Variants in XPA observed in about 807,000 individuals in gnomAD.
The protein encoded by XPA is DNA repair protein complementing XP-A cells.
A neutral mutation model predicts 35.7 loss-of-function variants in XPA; 27 were observed. That is an observed-to-expected ratio of 0.76 (90% CI 0.56 to 1.04). XPA has a LOEUF of 1.04. Among genes scored for constraint, XPA ranks in the 50% least tolerant of loss-of-function variants. XPA has a pLI of 0.00. For missense variants in XPA, 354 were observed against 342.7 expected, an observed-to-expected ratio of 1.03 and a Z score of -0.26; for synonymous variants, 133 against 118.4, an observed-to-expected ratio of 1.12 and a Z score of -0.80.
intron 2 of XPA, 35 bp from the exon 3 acceptor site, chr9:97,689,674 TTA>T (rs1460203847): frequency 7.2e-6 from 9 of 1,249,478 alleles, no homozygotes; most frequent in Non-Finnish European, 1.1e-5. Flanking sequence ...GTTTCCTTTT[TTA>T]TGACTAGAAC....
chr9:97,661,206 C>G, the XPA span: 1 of 957,576 alleles, frequency 1.0e-6, no homozygotes, highest in Non-Finnish European at 1.5e-6. Flanking sequence ...TTCTTAGCAC[C>G]CCAGGTATTT....
At chr9:97,677,531 A>T (rs528398306) in intron 5 of XPA, among the ~76,000 whole-genome samples, 11 of 152,092 alleles carry the variant, frequency 7.2e-5, no homozygotes, top group African/African-American at 2.4e-4. Context: ...ATAAAAAATT[A>T]AAAAAATTTT....
chr9:97,658,743 A>C, the XPA span: 1 of 1,589,792 alleles, frequency 6.3e-7, no homozygotes, highest in Non-Finnish European at 8.6e-7. Flanking sequence ...TGAAAGTAGC[A>C]GTAAGTAATG....
intron 1 of XPA, among the ~76,000 whole-genome samples, chr9:97,696,471 A>G (rs1352738108): frequency 6.6e-6 from 1 of 152,228 alleles, no homozygotes; most frequent in African/African-American, 2.4e-5. Context: ...CACATGTCCA[A>G]GAAATAGACT....
chr9:97,666,821 A>G, the XPA span: 1 of 1,610,804 alleles, frequency 6.2e-7, no homozygotes, highest in East Asian at 2.2e-5. Flanking sequence ...ACATGTCCTG[A>G]AGATCCAGAA....
At chr9:97,694,838 A>G (rs187766490) in intron 1 of XPA, among the ~76,000 whole-genome samples, 94 of 152,366 alleles carry the variant, frequency 6.2e-4, no homozygotes, top group Middle Eastern at 6.8e-3. Flanking sequence ...TAACAGCCCC[A>G]AAGTGGAAAC....
At chr9:97,682,221 G>C (rs1049836850) in intron 5 of XPA, 5 of 505,506 alleles carry the variant, frequency 9.9e-6, no homozygotes, top group Non-Finnish European at 2.0e-5. Flanking sequence ...GAAGTAAACT[G>C]TGTCAGCTTC....
intron 5 of XPA, among the ~76,000 whole-genome samples, chr9:97,677,392 G>T (rs1399886602): frequency 3.3e-5 from 5 of 152,122 alleles, no homozygotes; most frequent in Admixed American, 3.3e-4. Context: ...CAGAAAGTAA[G>T]AAAGTATTCG....
intron 2 of XPA, among the ~76,000 whole-genome samples, chr9:97,690,188 T>A (rs1469658733): frequency 6.6e-6 from 1 of 152,228 alleles, no homozygotes; most frequent in African/African-American, 2.4e-5. Context: ...CACATGTCCC[T>A]CTGACTCTTG....
chr9:97,670,508 T>C (rs1422375296), downstream of XPA, among the ~76,000 whole-genome samples: 1 of 152,064 alleles, frequency 6.6e-6, no homozygotes, highest in Non-Finnish European at 1.5e-5. Context: ...TTGTTCATTC[T>C]AGAAGAATGA....
the XPA span, among the ~76,000 whole-genome samples, chr9:97,668,339 T>A: frequency 6.6e-6 from 1 of 152,148 alleles, no homozygotes; most frequent in African/African-American, 2.4e-5. Flanking sequence ...GGGGCAGGGA[T>A]TATTAAAGCT....
At chr9:97,664,336 G>T in the XPA span, 4 of 1,581,566 alleles carry the variant, frequency 2.5e-6, no homozygotes, top group African/African-American at 5.4e-5. Flanking sequence ...TTCTCTCATT[G>T]TAGATGATTG....
At chr9:97,680,346 C>CT (rs958938108) in intron 5 of XPA, among the ~76,000 whole-genome samples, 20 of 152,178 alleles carry the variant, frequency 1.3e-4, no homozygotes, top group Middle Eastern at 3.4e-3. Flanking sequence ...GTAGCTGGGA[C>CT]TACAGGCACA....
intron 1 of XPA, among the ~76,000 whole-genome samples, chr9:97,694,271 C>T (rs1372877010): frequency 6.6e-6 from 1 of 152,206 alleles, no homozygotes; most frequent in African/African-American, 2.4e-5. Flanking sequence ...CACGTGTGCA[C>T]CCGGAAATTT....
chr9:97,671,224 GT>G (rs554720009), downstream of XPA: 69 of 1,478,700 alleles, frequency 4.7e-5, no homozygotes, highest in Admixed American at 5.7e-5. Context: ...TCATGTCAAG[GT>G]TTTTTTTGAT....
chr9:97,659,653 A>G, the XPA span, among the ~76,000 whole-genome samples: 10 of 152,326 alleles, frequency 6.6e-5, no homozygotes, highest in South Asian at 2.1e-3. Flanking sequence ...GCTGTTAGCC[A>G]CTGTGCTTTT....
chr9:97,676,900 G>A (rs1298737213), intron 5 of XPA, among the ~76,000 whole-genome samples: 1 of 152,078 alleles, frequency 6.6e-6, no homozygotes, highest in African/African-American at 2.4e-5. Context: ...CTCATATTCT[G>A]AAGACCTTGG....
the XPA span, chr9:97,656,169 T>G: frequency 8.7e-7 from 1 of 1,148,514 alleles, no homozygotes; most frequent in Non-Finnish European, 1.3e-6. Context: ...GTTCAGAATA[T>G]TGGATTCAAA....
chr9:97,660,126 CAG>C, the XPA span, among the ~76,000 whole-genome samples: 31 of 152,300 alleles, frequency 2.0e-4, no homozygotes, highest in South Asian at 6.4e-3. Flanking sequence ...AGACTGGTGA[CAG>C]GGGATTCTGT....
Sources: gnomAD v4.1 joint callset for allele counts (sites outside exome capture counted in the v4.1 genomes callset) on GRCh38, gnomAD v4.1.1 for gene constraint, MANE v1.5 for transcripts, NCBI Gene and HGNC (gene_info 2026-07-23, HGNC 2026-07-21) for gene names.